Variants in IMPA2 observed in about 807,000 individuals in gnomAD.
IMPA2 encodes inositol monophosphatase 2, also known as IMP 2.
In IMPA2, 32 loss-of-function variants were observed where a neutral mutation model predicts 35.1. The ratio of observed to expected loss-of-function variants is 0.91; its 90% CI spans 0.69 to 1.23. The LOEUF (loss-of-function observed/expected upper bound fraction) is 1.23, where lower values mean the gene tolerates loss of function less well. Ranked by LOEUF, IMPA2 falls within the 50% of genes most tolerant of loss-of-function variation. IMPA2 has a pLI of 0.00. For synonymous variants in IMPA2, 135 were observed against 160.6 expected (o/e 0.84, Z 1.20); for missense variants, 334 against 387.6 (o/e 0.86, Z 1.16).
At chr18:11,992,044 A>G (rs1906829974) in intron 1 of IMPA2, among the ~76,000 whole-genome samples, 2 of 152,142 alleles carry the variant, frequency 1.3e-5, no homozygotes, top group South Asian at 2.1e-4. Flanking sequence ...GGGTTTCCCC[A>G]TGTTGGCCAG....
chr18:12,000,362 T>C (rs1217989824), intron 2 of IMPA2, among the ~76,000 whole-genome samples: 1 of 144,380 alleles, frequency 6.9e-6, no homozygotes, highest in African/African-American at 2.6e-5. Context: ...TTTCTGTGAA[T>C]GATTATATAA....
At chr18:12,014,164 C>A in intron 4 of IMPA2, 101 bp from the exon 5 acceptor site, 1 of 807,724 alleles carries the variant, frequency 1.2e-6, no homozygotes, top group Non-Finnish European at 2.1e-6. Context: ...AATGTGTTAT[C>A]CTAACGCCTA....
chr18:12,028,104 G>T lies in IMPA2; in HGVS notation c.552G>T (p.Lys184Asn). The T allele has an allele frequency of 6.2e-7, 1 of 1,614,160 alleles. No individual in the cohort carries two copies. Among genetic ancestry groups the T allele is most frequent in the African/African-American group, 1.3e-5 (1 of 75,048 alleles). ...IGPKRDPATL[K>N]LFLSNMERLL... ...CCAAACGTGACCCTGCGACCCTGAA[G>T]CTGTTCCTGAGTAACATGGAGCGGC... The change falls in exon 6 of 8, where the codon AAG (lysine) becomes AAT (asparagine). Residue 184 changes from lysine to asparagine, a missense_variant. Coordinates refer to ENST00000269159, the MANE Select transcript of IMPA2 (RefSeq NM_014214.3).
intron 1 of IMPA2, among the ~76,000 whole-genome samples, chr18:11,993,785 C>T (rs910711515): frequency 2.6e-5 from 4 of 152,170 alleles, no homozygotes; most frequent in African/African-American, 4.8e-5. Flanking sequence ...CACAAGGGAT[C>T]GTGTCCAAAG....
At position 12,003,713 on chromosome 18, in the gene IMPA2, T is replaced by C. The variant is rs1907181025; in HGVS notation, c.230+4526T>C. ...GCAGCATGGTAAGGCCGGGTTTTTA[T>C]AGATTGGGTCTTTGGAGTGTGCTGT... is the stretch of plus-strand genomic sequence containing the variant. On this transcript the variant is annotated intron_variant, in intron 2 of 7. Transcript: ENST00000269159. Among the ~76,000 whole-genome samples, 7 of 149,966 alleles carry C rather than the reference T, an allele frequency of 4.7e-5. No individual in the cohort carries two copies. The South Asian group carries it at 1.5e-3, about 32-fold the overall frequency.
intron 5 of IMPA2, among the ~76,000 whole-genome samples, chr18:12,024,659 C>T (rs1443543693): frequency 1.3e-5 from 2 of 152,070 alleles, no homozygotes; most frequent in African/African-American, 2.4e-5. Context: ...ATCATGCAAG[C>T]CATCCCATTT....
chr18:12,003,961 C>T (rs1483583270), intron 2 of IMPA2, among the ~76,000 whole-genome samples: 1 of 152,272 alleles, frequency 6.6e-6, no homozygotes, highest in African/African-American at 2.4e-5. Context: ...AGGTCAGCAG[C>T]TCAAGGGTCT....
intron 2 of IMPA2, among the ~76,000 whole-genome samples, chr18:12,000,458 C>T (rs1265706440): frequency 2.0e-5 from 3 of 150,086 alleles, no homozygotes; most frequent in Non-Finnish European, 4.4e-5. Flanking sequence ...CTCAAGGTTA[C>T]CAGCTCTCCC....
intron 4 of IMPA2, among the ~76,000 whole-genome samples, chr18:12,013,498 T>C (rs1220989897): frequency 6.6e-6 from 1 of 152,220 alleles, no homozygotes; most frequent in African/African-American, 2.4e-5. Flanking sequence ...CAGCCAAGGC[T>C]TTCCTAAGGC....
At chr18:12,016,008 G>T (rs1170583991) in intron 5 of IMPA2, among the ~76,000 whole-genome samples, 1 of 152,170 alleles carries the variant, frequency 6.6e-6, no homozygotes, top group African/African-American at 2.4e-5. Flanking sequence ...CTTTGTCCAG[G>T]GCCCCTTTAT....
At chr18:11,988,744 G>A (rs960061436) in intron 1 of IMPA2, among the ~76,000 whole-genome samples, 2 of 152,210 alleles carry the variant, frequency 1.3e-5, no homozygotes, top group East Asian at 1.9e-4. Flanking sequence ...GCCACTTTCC[G>A]AGATGGCAAA....
At chr18:12,002,550 G>T (rs1252966192) in intron 2 of IMPA2, among the ~76,000 whole-genome samples, 1 of 152,120 alleles carries the variant, frequency 6.6e-6, no homozygotes, top group Non-Finnish European at 1.5e-5. Context: ...AAGGTCAGAG[G>T]ATTGCTTGAG....
intron 4 of IMPA2, chr18:12,012,448 C>T: frequency 1.8e-6 from 1 of 563,268 alleles, no homozygotes; most frequent in South Asian, 2.5e-5. Context: ...GGAGGGCTGG[C>T]CTCGTGTCAA....
chr18:11,987,011 A>T (rs928353010), intron 1 of IMPA2, among the ~76,000 whole-genome samples: 1 of 152,186 alleles, frequency 6.6e-6, no homozygotes, highest in Admixed American at 6.5e-5. Flanking sequence ...AGTTTTCTGT[A>T]TACCTATTGT....
At chr18:11,984,264 C>T (rs2143770542) in intron 1 of IMPA2, among the ~76,000 whole-genome samples, 1 of 152,318 alleles carries the variant, frequency 6.6e-6, no homozygotes, top group East Asian at 1.9e-4. Flanking sequence ...CTGTGCCACT[C>T]TTCCTTCCGT....
At chr18:11,987,092 G>A (rs1244355491) in intron 1 of IMPA2, among the ~76,000 whole-genome samples, 5 of 152,338 alleles carry the variant, frequency 3.3e-5, no homozygotes, top group African/African-American at 1.2e-4. Context: ...GGTCGCTGCT[G>A]TGGAGCAGTG....
intron 5 of IMPA2, among the ~76,000 whole-genome samples, chr18:12,018,891 C>T (rs1178109092): frequency 2.6e-5 from 4 of 152,068 alleles, no homozygotes; most frequent in Non-Finnish European, 5.9e-5. Context: ...ATGGTGTGAT[C>T]GTAGCTCAAT....
intron 1 of IMPA2, among the ~76,000 whole-genome samples, chr18:11,984,444 CA>C (rs1204120831): frequency 6.6e-6 from 1 of 152,234 alleles, no homozygotes; most frequent in African/African-American, 2.4e-5. Flanking sequence ...GATGTGTGAA[CA>C]GAAGTATTGT....
chr18:12,011,448 T>C lies in IMPA2; in HGVS notation c.336-722T>C, dbSNP rs535966188. Among the ~76,000 whole-genome samples the C allele has an allele frequency of 3.2e-4, 48 of 152,356 alleles. No homozygotes were observed. In the Middle Eastern group the frequency reaches 0.014, roughly 43 times the overall value. On this transcript the variant is annotated intron_variant, in intron 3 of 7. Transcript: ENST00000269159. ...GAGGCCTGGCACATGGTGCATTTGCTCTGGAAGCCAGCGGCTCATCCCAAG... is the reference window on the plus strand; with the variant it reads ...GAGGCCTGGCACATGGTGCATTTGCCCTGGAAGCCAGCGGCTCATCCCAAG...
Sources: gnomAD v4.1 joint callset for allele counts (sites outside exome capture counted in the v4.1 genomes callset) on GRCh38, gnomAD v4.1.1 for gene constraint, MANE v1.5 for transcripts, NCBI Gene and HGNC (gene_info 2026-07-23, HGNC 2026-07-21) for gene names.